ATP11B: variants seen among roughly 807,000 people sequenced by gnomAD.
The protein encoded by ATP11B is ATPase phospholipid transporting 11B (putative).
ATP11B carries 81 observed loss-of-function variants against 157.8 expected under a neutral mutation model. That is an observed-to-expected ratio of 0.51 (90% CI 0.43 to 0.62). ATP11B has a LOEUF of 0.62. Ranked by LOEUF, ATP11B falls within the 20% of genes least tolerant of loss-of-function variation. The probability of loss-of-function intolerance (pLI) is 0.00; values close to 1 mark genes in which losing one functional copy is unlikely to be tolerated. For missense variants in ATP11B, 1,165 were observed against 1,402.2 expected (o/e 0.83, Z 2.70); for synonymous variants, 451 against 469.4 (o/e 0.96, Z 0.51).
In ATP11B at chr3:182,914,712, G is replaced by A. The variant is rs529118665; in HGVS notation, c.3452+718G>A. ...CATGCCTGCTGTTGTGCACCATAAC[G>A]AAAAAAAACACCTTTTGGTAAACAC... is the stretch of plus-strand genomic sequence containing the variant. On this transcript the variant is annotated intron_variant, in intron 29 of 29. Transcript: ENST00000323116. 26 of 984,324 alleles carry A rather than the reference G, an allele frequency of 2.6e-5. No individual in the cohort carries two copies. In the African/African-American group the frequency reaches 3.9e-4, roughly 15 times the overall value. 61.0% of individuals were successfully genotyped at this position (984,324 alleles called of 1,614,324 possible). A position where few individuals can be genotyped will look rare whatever the true frequency, so the allele number is the denominator to read the frequency against.
At chr3:182,881,347 T>C (rs1722410882) in intron 21 of ATP11B, among the ~76,000 whole-genome samples, 1 of 151,652 alleles carries the variant, frequency 6.6e-6, no homozygotes, top group South Asian at 2.1e-4. Flanking sequence ...GGCAGGAGAA[T>C]TGCTTGAACC....
chr3:182,818,210 T>C (rs985600494), intron 1 of ATP11B, among the ~76,000 whole-genome samples: 1 of 152,210 alleles, frequency 6.6e-6, no homozygotes, highest in African/African-American at 2.4e-5. Context: ...CTTCCTGCAG[T>C]CTAATGCTCC....
At chr3:182,914,233 A>C (rs1724995091) in intron 29 of ATP11B, 2 of 1,290,122 alleles carry the variant, frequency 1.6e-6, no homozygotes, top group Non-Finnish European at 2.0e-6. Context: ...ATGAACAAAA[A>C]ATTTTGTTTC....
chr3:182,806,448 C>G (rs182790063), intron 1 of ATP11B, among the ~76,000 whole-genome samples: 1 of 152,138 alleles, frequency 6.6e-6, no homozygotes, highest in African/African-American at 2.4e-5. Flanking sequence ...ATTTCTCAGC[C>G]TTTAGTTTTC....
chr3:182,817,511 C>A (rs913760487), intron 1 of ATP11B, among the ~76,000 whole-genome samples: 1 of 152,186 alleles, frequency 6.6e-6, no homozygotes, highest in African/African-American at 2.4e-5. Flanking sequence ...GATCTCCTGA[C>A]CTCGTGATCT....
In ATP11B at chr3:182,869,154, A is replaced by G. The variant is rs1445018777; in HGVS notation, c.1762+3A>G. The G allele has an allele frequency of 3.7e-6, 6 of 1,606,454 alleles. No homozygotes were observed. Among genetic ancestry groups the G allele is most frequent in the African/African-American group, 1.3e-5 (1 of 74,572 alleles). On this transcript the variant is annotated splice_donor_region_variant and intron_variant, in intron 16 of 29. Coordinates refer to ENST00000323116, the MANE Select transcript of ATP11B (RefSeq NM_014616.3). Reference sequence around the variant, plus strand: ...TGTAATTGTTCAGGCACCTTCAGGTAACCAATCTAAACTTTCATGAATTTT... The same window carrying G: ...TGTAATTGTTCAGGCACCTTCAGGTGACCAATCTAAACTTTCATGAATTTT...
intron 1 of ATP11B, among the ~76,000 whole-genome samples, chr3:182,799,156 G>T (rs551579438): frequency 2.0e-5 from 3 of 152,200 alleles, no homozygotes; most frequent in African/African-American, 7.2e-5. Context: ...TAGACTAACT[G>T]CATCTGGTCC....
intron 15 of ATP11B, among the ~76,000 whole-genome samples, chr3:182,868,249 T>G (rs1577050473): frequency 6.6e-6 from 1 of 151,126 alleles, no homozygotes; most frequent in African/African-American, 2.4e-5. Context: ...TTTGATAAAT[T>G]AGTTCATGCT....
At chr3:182,896,632 A>C in intron 25 of ATP11B, 68 bp from the exon 26 acceptor site, 1 of 1,345,522 alleles carries the variant, frequency 7.4e-7, no homozygotes, top group Non-Finnish European at 1.1e-6. Flanking sequence ...TAGAGAATTA[A>C]ATGACTTTTT....
intron 1 of ATP11B, among the ~76,000 whole-genome samples, chr3:182,803,200 C>T (rs552863004): frequency 6.6e-6 from 1 of 152,280 alleles, no homozygotes; most frequent in African/African-American, 2.4e-5. Flanking sequence ...TTCTCCTTTC[C>T]CTACATCTTG....
chr3:182,839,110 A>G (rs192194371), intron 7 of ATP11B, among the ~76,000 whole-genome samples: 95 of 152,334 alleles, frequency 6.2e-4, no homozygotes, highest in Non-Finnish European at 1.2e-3. Flanking sequence ...CACAAAAAAG[A>G]AAGAGATCAC....
At chr3:182,844,874 T>C (rs1422927688) in intron 8 of ATP11B, among the ~76,000 whole-genome samples, 1 of 152,164 alleles carries the variant, frequency 6.6e-6, no homozygotes, top group African/African-American at 2.4e-5. Context: ...ATTTTGAAAC[T>C]AGTGGCTTTG....
chr3:182,881,584 T>C (rs1392432038), intron 21 of ATP11B, among the ~76,000 whole-genome samples: 1 of 152,070 alleles, frequency 6.6e-6, no homozygotes, highest in Non-Finnish European at 1.5e-5. Context: ...CACTATTTAA[T>C]ATATTTTCAT....
rs983150742 is a variant in ATP11B, at chr3:182,852,540, C to G, written c.851+3983C>G. Among the ~76,000 whole-genome samples, 143 of 152,228 alleles carry G rather than the reference C, an allele frequency of 9.4e-4. 2 individuals are homozygous for G. The highest frequency in any genetic ancestry group is 3.2e-3 in the African/African-American group (131 of 41,548). ...TTACCAAAATTGGCCCAAGATGAAA[C>G]AGAAAGTCTAAATAACCCTTAAGTC... On this transcript the variant is annotated intron_variant, in intron 10 of 29. Transcript: ENST00000323116.
chr3:182,914,163 G>A (rs748173796), intron 29 of ATP11B, 169 bp downstream of exon 29: 77 of 1,426,522 alleles, frequency 5.4e-5, no homozygotes, highest in Non-Finnish European at 6.7e-5. Flanking sequence ...TTGTGGCTTT[G>A]GGGTAAGGGC....
intron 1 of ATP11B, among the ~76,000 whole-genome samples, chr3:182,796,852 T>C (rs1715640172): frequency 6.6e-6 from 1 of 152,214 alleles, no homozygotes; most frequent in African/African-American, 2.4e-5. Context: ...AGAAAAAAGT[T>C]AGAAAATGAG....
intron 12 of ATP11B, among the ~76,000 whole-genome samples, chr3:182,862,505 G>A (rs762328809): frequency 2.0e-5 from 3 of 152,158 alleles, no homozygotes; most frequent in Non-Finnish European, 4.4e-5. Context: ...CCTACTAGGG[G>A]AATACACCTT....
In ATP11B at chr3:182,921,498, CTG is replaced by C. The variant is rs1560145051; in HGVS notation, c.*3397_*3398del. 6.6e-6 allele frequency: 1 copy of C among 152,124 alleles called. No individual in the cohort carries two copies. Among genetic ancestry groups the C allele is most frequent in the East Asian group, 1.9e-4 (1 of 5,200 alleles). The allele number at this position is 152,124 out of a possible 1,614,324, so 9.4% of individuals were successfully genotyped here. A position where few individuals can be genotyped will look rare whatever the true frequency, so the allele number is the denominator to read the frequency against. On this transcript the variant is annotated 3_prime_UTR_variant, in exon 30 of 30. Coordinates refer to ENST00000323116, the MANE Select transcript of ATP11B (RefSeq NM_014616.3). ...GGTTTAAAATTTTGGACCTGAGACA[CTG>C]TGGCTGTCTAATGTAATCCTTTAAA...
intron 7 of ATP11B, among the ~76,000 whole-genome samples, chr3:182,839,512 C>G (rs943357080): frequency 2.0e-5 from 3 of 152,010 alleles, no homozygotes; most frequent in Non-Finnish European, 2.9e-5. Flanking sequence ...GAAAGAAAAA[C>G]CTGGAGGAAT....
Sources: allele counts gnomAD v4.1 joint callset (sites outside exome capture counted in the v4.1 genomes callset), GRCh38; gene constraint gnomAD v4.1.1; transcripts MANE v1.5; gene names NCBI Gene and HGNC (gene_info 2026-07-23, HGNC 2026-07-21).